Variants in SLC8A1 observed in about 807,000 individuals in gnomAD.
The protein encoded by SLC8A1 is solute carrier family 8 member A1, also known as sodium/calcium exchanger 1.
SLC8A1 carries 18 observed loss-of-function variants against 68.3 expected under a neutral mutation model. The ratio of observed to expected loss-of-function variants is 0.26; its 90% CI spans 0.18 to 0.39. The LOEUF (loss-of-function observed/expected upper bound fraction) is 0.39, where lower values mean the gene tolerates loss of function less well. Among genes scored for constraint, SLC8A1 ranks in the 10% least tolerant of loss-of-function variants. SLC8A1 has a pLI of 1.00. For synonymous variants in SLC8A1, 475 were observed against 415.5 expected (o/e 1.14, Z -1.74); for missense variants, 985 against 1,156.7 (o/e 0.85, Z 2.15).
chr2:40,329,315 C>A, intron 2 of SLC8A1, among the ~76,000 whole-genome samples: 1 of 152,202 alleles, frequency 6.6e-6, no homozygotes, highest in East Asian at 1.9e-4. Flanking sequence ...CTGTATTTTA[C>A]AGCACTGAAT....
At chr2:40,421,688 T>G (rs973668402) in intron 2 of SLC8A1, among the ~76,000 whole-genome samples, 1 of 152,140 alleles carries the variant, frequency 6.6e-6, no homozygotes, top group African/African-American at 2.4e-5. Context: ...ACAATGCCTA[T>G]TCCCATATTT....
intron 2 of SLC8A1, among the ~76,000 whole-genome samples, chr2:40,224,320 A>G (rs1366322627): frequency 6.6e-6 from 1 of 152,126 alleles, no homozygotes; most frequent in Admixed American, 6.5e-5. Flanking sequence ...CCAACAGTGT[A>G]CTTTGTCTCT....
chr2:40,346,191 C>G (rs994356920), intron 2 of SLC8A1, among the ~76,000 whole-genome samples: 1 of 151,740 alleles, frequency 6.6e-6, no homozygotes, highest in Non-Finnish European at 1.5e-5. Flanking sequence ...GGCTGTACAT[C>G]TCTATATTTA....
At chr2:40,152,529 C>T (rs145307231) in intron 6 of SLC8A1, among the ~76,000 whole-genome samples, 5 of 152,000 alleles carry the variant, frequency 3.3e-5, no homozygotes, top group Admixed American at 6.5e-5. Context: ...TTCAGCCTCC[C>T]TAGCGGCTGG....
chr2:40,384,102 T>A (rs1355846091), intron 2 of SLC8A1, among the ~76,000 whole-genome samples: 1 of 151,616 alleles, frequency 6.6e-6, no homozygotes, highest in Non-Finnish European at 1.5e-5. Flanking sequence ...CTCTACAGTT[T>A]TTTTTTTTAA....
intron 2 of SLC8A1, among the ~76,000 whole-genome samples, chr2:40,400,634 C>T (rs1169078819): frequency 6.6e-6 from 1 of 152,120 alleles, no homozygotes; most frequent in South Asian, 2.1e-4. Context: ...GGTGTTCCTG[C>T]TGGCAAACTC....
chr2:40,402,910 G>C (rs907996808), intron 2 of SLC8A1, among the ~76,000 whole-genome samples: 1 of 152,148 alleles, frequency 6.6e-6, no homozygotes, highest in African/African-American at 2.4e-5. Context: ...CAACACAATT[G>C]TGCCATTTGA....
chr2:40,470,392 G>A (rs1182367769), intron 1 of SLC8A1, among the ~76,000 whole-genome samples: 2 of 151,914 alleles, frequency 1.3e-5, no homozygotes, highest in Non-Finnish European at 2.9e-5. Flanking sequence ...AGGCAAAGAA[G>A]TTCAAAATGG....
chr2:40,461,016 T>G (rs941319653), intron 1 of SLC8A1, among the ~76,000 whole-genome samples: 1 of 152,158 alleles, frequency 6.6e-6, no homozygotes, highest in Non-Finnish European at 1.5e-5. Context: ...TCTAAACAAC[T>G]ACTGAGGGCG....
exon 8 of SLC8A1, chr2:40,115,013 A>G: frequency 3.8e-6 from 1 of 260,666 alleles, no homozygotes; most frequent in East Asian, 7.0e-5. Flanking sequence ...GAGAGAGTGC[A>G]GCCCTTCTAG....
chr2:40,476,533 G>A (rs186016434), intron 1 of SLC8A1, among the ~76,000 whole-genome samples: 102 of 152,320 alleles, frequency 6.7e-4, no homozygotes, highest in African/African-American at 2.2e-3. Flanking sequence ...TAGTGAAGGC[G>A]TCATTGAGCA....
At chr2:40,325,565 T>A (rs1000505212) in intron 2 of SLC8A1, among the ~76,000 whole-genome samples, 8 of 152,002 alleles carry the variant, frequency 5.3e-5, no homozygotes, top group Non-Finnish European at 8.8e-5. Context: ...ATAATACCAT[T>A]AAAAAATTGG....
intron 2 of SLC8A1, among the ~76,000 whole-genome samples, chr2:40,416,742 T>TA (rs1694003175): frequency 1.3e-5 from 2 of 152,240 alleles, no homozygotes; most frequent in South Asian, 4.1e-4. Flanking sequence ...TCCTGACTCC[T>TA]AAATACTTGT....
intron 1 of SLC8A1, among the ~76,000 whole-genome samples, chr2:40,468,620 T>G (rs1703829806): frequency 6.6e-6 from 1 of 152,160 alleles, no homozygotes; most frequent in Non-Finnish European, 1.5e-5. Flanking sequence ...TTTAAATACT[T>G]TTTTCCTCCT....
chr2:40,394,021 T>C (rs755803374), intron 2 of SLC8A1, among the ~76,000 whole-genome samples: 3 of 152,016 alleles, frequency 2.0e-5, no homozygotes, highest in Non-Finnish European at 4.4e-5. Context: ...CTGAAGACAG[T>C]TTTGCTTGTG....
chr2:40,100,689 G>T (rs569189499), exon 8 of SLC8A1: 1 of 152,104 alleles, frequency 6.6e-6, no homozygotes, highest in Non-Finnish European at 1.5e-5. Flanking sequence ...GTGAGTGAGA[G>T]GAATGGGACA....
chr2:40,191,025 AG>A (rs2148647693), intron 2 of SLC8A1, among the ~76,000 whole-genome samples: 1 of 152,316 alleles, frequency 6.6e-6, no homozygotes, highest in African/African-American at 2.4e-5. Context: ...AATTGTGAAA[AG>A]AACTGGCTTT....
intron 2 of SLC8A1, among the ~76,000 whole-genome samples, chr2:40,203,122 C>G (rs1222395701): frequency 6.6e-6 from 1 of 151,924 alleles, no homozygotes; most frequent in Non-Finnish European, 1.5e-5. Context: ...CAGACTTTCC[C>G]TATTCTCACC....
At chr2:40,485,992 G>A (rs533690715) in intron 1 of SLC8A1, among the ~76,000 whole-genome samples, 78 of 152,290 alleles carry the variant, frequency 5.1e-4, no homozygotes, top group Non-Finnish European at 2.1e-4. Flanking sequence ...TTGAATTGTA[G>A]TTCTCATAAT....
Sources: gnomAD v4.1 joint callset for allele counts (sites outside exome capture counted in the v4.1 genomes callset) on GRCh38, gnomAD v4.1.1 for gene constraint, MANE v1.5 for transcripts, NCBI Gene and HGNC (gene_info 2026-07-23, HGNC 2026-07-21) for gene names.